Variants in SUSD6 observed in about 807,000 individuals in gnomAD.
The protein encoded by SUSD6 is sushi domain-containing protein 6.
SUSD6 carries 16 observed loss-of-function variants against 28.4 expected under a neutral mutation model. That is an observed-to-expected ratio of 0.56 (90% CI 0.38 to 0.86). The LOEUF (loss-of-function observed/expected upper bound fraction) is 0.86. SUSD6 is among the 40% of genes least tolerant of loss of function. The probability of loss-of-function intolerance (pLI) is 0.00; values close to 1 mark genes in which losing one functional copy is unlikely to be tolerated. For synonymous variants in SUSD6, 147 were observed against 159.6 expected, an observed-to-expected ratio of 0.92 and a Z score of 0.59; for missense variants, 341 against 384.2, an observed-to-expected ratio of 0.89 and a Z score of 0.94.
intron 1 of SUSD6, chr14:69,615,399 C>T (rs1258436541): frequency 6.6e-6 from 1 of 152,202 alleles, no homozygotes. Context: ...TTAAAAAGTA[C>T]AAGTTCTGGG....
chr14:69,656,477 A>T (rs2139613335), intron 1 of SUSD6, among the ~76,000 whole-genome samples: 1 of 152,290 alleles, frequency 6.6e-6, no homozygotes, highest in South Asian at 2.1e-4. Flanking sequence ...CAGTTCTGTC[A>T]CTGACCAGCT....
In SUSD6 at chr14:69,714,113, A is replaced by G. The variant is rs1366567044; in HGVS notation, c.*3134A>G. On this transcript the variant is annotated 3_prime_UTR_variant, in exon 6 of 6. Coordinates refer to ENST00000342745, the MANE Select transcript of SUSD6 (RefSeq NM_014734.4). ...TTGTTTGGTTTTATAAGGCATTTCA[A>G]TGTACATTCTATAAATACAAGCACT... 1.3e-5 allele frequency: 2 copies of G among 152,086 alleles called. No homozygotes were observed. The highest frequency in any genetic ancestry group is 2.9e-5 in the Non-Finnish European group (2 of 68,004). The allele number at this position is 152,086 out of a possible 1,614,324, so 9.4% of individuals were successfully genotyped here.
intron 2 of SUSD6, among the ~76,000 whole-genome samples, chr14:69,675,035 AT>A (rs1247385860): frequency 6.6e-6 from 1 of 151,786 alleles, no homozygotes; most frequent in Non-Finnish European, 1.5e-5. Flanking sequence ...TCTGTTTCTC[AT>A]TTCCCCCCCA....
chr14:69,618,824 T>C lies in SUSD6; in HGVS notation c.-81+6996T>C, dbSNP rs557144284. Among the ~76,000 whole-genome samples, 7 of 152,280 alleles carry C rather than the reference T, an allele frequency of 4.6e-5. No homozygotes were observed. The South Asian group carries it at 1.4e-3, about 32-fold the overall frequency. Reference sequence around the variant, plus strand: ...ATCCTAAGAGTTTCCAAAGGTTGAGTGAAGTGAGATGAGACTCTTAGTTGA... The same window carrying C: ...ATCCTAAGAGTTTCCAAAGGTTGAGCGAAGTGAGATGAGACTCTTAGTTGA... On this transcript the variant is annotated intron_variant, in intron 1 of 5. Transcript: ENST00000342745.
intron 1 of SUSD6, among the ~76,000 whole-genome samples, chr14:69,653,648 C>T (rs1182138309): frequency 2.6e-5 from 4 of 150,948 alleles, no homozygotes; most frequent in African/African-American, 9.7e-5. Context: ...GGAGTAGTCA[C>T]TAACATGCCA....
intron 2 of SUSD6, among the ~76,000 whole-genome samples, chr14:69,663,008 G>T (rs1032105122): frequency 2.6e-5 from 4 of 152,184 alleles, no homozygotes; most frequent in African/African-American, 9.7e-5. Flanking sequence ...GATATTCTTT[G>T]CTGTCATTGA....
chr14:69,620,853 G>A (rs1342019559), intron 1 of SUSD6, among the ~76,000 whole-genome samples: 2 of 152,208 alleles, frequency 1.3e-5, no homozygotes, highest in Non-Finnish European at 2.9e-5. Flanking sequence ...GGAGATGTGG[G>A]TTCAACTATG....
intron 1 of SUSD6, among the ~76,000 whole-genome samples, chr14:69,644,031 A>G (rs1054413046): frequency 3.3e-5 from 5 of 152,136 alleles, no homozygotes; most frequent in Non-Finnish European, 7.3e-5. Context: ...CGTTGGCTGT[A>G]TATCTCCCAT....
intron 2 of SUSD6, among the ~76,000 whole-genome samples, chr14:69,693,519 T>G (rs1886181978): frequency 6.6e-6 from 1 of 152,232 alleles, no homozygotes; most frequent in Non-Finnish European, 1.5e-5. Flanking sequence ...GTTTTCTGCC[T>G]GCCCCCTCTC....
At chr14:69,653,493 G>A (rs1285207203) in intron 1 of SUSD6, among the ~76,000 whole-genome samples, 1 of 152,182 alleles carries the variant, frequency 6.6e-6, no homozygotes, top group Non-Finnish European at 1.5e-5. Context: ...TGGTGGCGGA[G>A]GTGGGACTGA....
At chr14:69,658,809 C>T (rs753389290) in intron 2 of SUSD6, 96 bp downstream of exon 2, 208 of 1,537,590 alleles carry the variant, frequency 1.4e-4, no homozygotes, top group Middle Eastern at 5.4e-4. Context: ...TCCTGGCAGG[C>T]GGTTTCAGGG....
intron 1 of SUSD6, among the ~76,000 whole-genome samples, chr14:69,618,544 C>G (rs1295393859): frequency 6.6e-6 from 1 of 152,252 alleles, no homozygotes; most frequent in Admixed American, 6.5e-5. Context: ...GATGGTTACA[C>G]TGCAGAGAAA....
chr14:69,704,829 C>A, intron 4 of SUSD6, 87 bp downstream of exon 4: 1 of 1,454,516 alleles, frequency 6.9e-7, no homozygotes, highest in Non-Finnish European at 9.4e-7. Flanking sequence ...TGCTGGTGGC[C>A]CCAATCTCTG....
At chr14:69,612,564 A>T (rs186731094) in intron 1 of SUSD6, among the ~76,000 whole-genome samples, 10 of 152,244 alleles carry the variant, frequency 6.6e-5, no homozygotes, top group African/African-American at 2.2e-4. Context: ...GTTACCCTGG[A>T]CGAATTTAGG....
At chr14:69,631,478 C>A (rs1460187696) in intron 1 of SUSD6, among the ~76,000 whole-genome samples, 1 of 152,164 alleles carries the variant, frequency 6.6e-6, no homozygotes, top group Non-Finnish European at 1.5e-5. Flanking sequence ...GGTTATTTAG[C>A]CCTTCTGCTT....
intron 2 of SUSD6, among the ~76,000 whole-genome samples, chr14:69,686,507 T>A (rs1382786900): frequency 6.6e-6 from 1 of 152,226 alleles, no homozygotes; most frequent in Non-Finnish European, 1.5e-5. Flanking sequence ...TGTATTAGTC[T>A]GTTTTCACGC....
Position 69,678,473 on chromosome 14 carries a change from A to G in SUSD6, c.121+19760A>G, listed in dbSNP as rs997329127. On this transcript the variant is annotated intron_variant, in intron 2 of 5. Transcript: ENST00000342745. ...AATATTTATAACCATTCTCTCACTGATGGATCTATGGGCGACTCCAGTTGT... is the reference window on the plus strand; with the variant it reads ...AATATTTATAACCATTCTCTCACTGGTGGATCTATGGGCGACTCCAGTTGT... 4.6e-5 allele frequency among the ~76,000 whole-genome samples: 7 copies of G among 152,198 alleles called. No homozygotes were observed. The South Asian group carries it at 1.0e-3, about 23-fold the overall frequency.
At chr14:69,663,981 T>TC in intron 2 of SUSD6, among the ~76,000 whole-genome samples, 1 of 151,894 alleles carries the variant, frequency 6.6e-6, no homozygotes, top group East Asian at 1.9e-4. Flanking sequence ...TTGTTTCTTT[T>TC]TTTTTTTTTT....
At chr14:69,616,282 AG>A (rs1162077387) in intron 1 of SUSD6, among the ~76,000 whole-genome samples, 2 of 152,232 alleles carry the variant, frequency 1.3e-5, no homozygotes, top group African/African-American at 4.8e-5. Context: ...CCCTTTGTAG[AG>A]GAGAGGGAAT....
Sources: gnomAD v4.1 joint callset for allele counts (sites outside exome capture counted in the v4.1 genomes callset) on GRCh38, gnomAD v4.1.1 for gene constraint, MANE v1.5 for transcripts, NCBI Gene and HGNC (gene_info 2026-07-23, HGNC 2026-07-21) for gene names.